The following DLG2 variants were observed in gnomAD, a reference collection of about 807,000 sequenced individuals.
The protein encoded by DLG2 is disks large homolog 2.
In DLG2, 45 loss-of-function variants were observed where a neutral mutation model predicts 132.5. That is an observed-to-expected ratio of 0.34 (90% CI 0.27 to 0.44). The LOEUF (loss-of-function observed/expected upper bound fraction) is 0.44. Ranked by LOEUF, DLG2 falls within the 20% of genes least tolerant of loss-of-function variation. The pLI is 1.00. For missense variants in DLG2, 1,045 were observed against 1,196.9 expected (o/e 0.87, Z 1.87); for synonymous variants, 424 against 419.6 (o/e 1.01, Z -0.13).
At chr11:85,540,112 G>T (rs1314343690) in intron 3 of DLG2, among the ~76,000 whole-genome samples, 1 of 152,198 alleles carries the variant, frequency 6.6e-6, no homozygotes, top group East Asian at 1.9e-4. Flanking sequence ...GCGGCAGGGG[G>T]GTGGTGCAGG....
intron 3 of DLG2, among the ~76,000 whole-genome samples, chr11:85,587,008 A>G (rs530221369): frequency 1.3e-5 from 2 of 152,204 alleles, no homozygotes; most frequent in African/African-American, 4.8e-5. Context: ...TATAGTTTTG[A>G]GGGTTCCTTT....
rs2096976839 is a variant in DLG2 at position 84,086,179 on chromosome 11, G to T, written c.749+12744C>A. Among the ~76,000 whole-genome samples, 5 of 152,040 alleles carry T rather than the reference G, an allele frequency of 3.3e-5. No individual in the cohort carries two copies. In the South Asian group the frequency reaches 1.0e-3, roughly 32 times the overall value. On this transcript the variant is annotated intron_variant, in intron 10 of 27. Transcript: ENST00000376104. ...CAAAGATCTTCTTTAACAGATTCAA[G>T]AACTTGGTGAATGAATTCAAAAACT... is the stretch of plus-strand genomic sequence containing the variant.
intron 3 of DLG2, among the ~76,000 whole-genome samples, chr11:85,436,944 TATATATCATGGA>T (rs1204729171): frequency 6.6e-6 from 1 of 152,192 alleles, no homozygotes; most frequent in Admixed American, 6.5e-5. Flanking sequence ...ATGTGGTACA[TATATATCATGGA>T]ATATTATGCA....
intron 11 of DLG2, among the ~76,000 whole-genome samples, chr11:84,032,541 C>T (rs888661316): frequency 6.6e-6 from 1 of 152,130 alleles, no homozygotes; most frequent in African/African-American, 2.4e-5. Context: ...GGGAAATAAG[C>T]CATCTCCTTA....
intron 8 of DLG2, among the ~76,000 whole-genome samples, chr11:84,230,875 G>T (rs949510919): frequency 6.6e-6 from 1 of 152,118 alleles, no homozygotes; most frequent in African/African-American, 2.4e-5. Flanking sequence ...TAGCAGTATT[G>T]GTTATAGTGG....
At chr11:83,638,269 C>A (rs1425072672) in intron 18 of DLG2, among the ~76,000 whole-genome samples, 2 of 152,116 alleles carry the variant, frequency 1.3e-5, no homozygotes, top group Admixed American at 6.5e-5. Context: ...TTCACTTGAA[C>A]AAGATGGATG....
Position 85,434,496 on chromosome 11 carries a change from C to A in DLG2, c.41-149131G>T, listed in dbSNP as rs371019544. Among the ~76,000 whole-genome samples, 14 of 151,948 alleles carry A rather than the reference C, an allele frequency of 9.2e-5. No individual in the cohort carries two copies. The East Asian group carries it at 2.7e-3, about 29-fold the overall frequency. ...ATAAAAAATGATAAATGGGATATCA[C>A]CACTGACCCCACAGAAATACAAACT... On this transcript the variant is annotated intron_variant, in intron 3 of 27. Coordinates refer to ENST00000376104, the MANE Select transcript of DLG2 (RefSeq NM_001142699.3).
At chr11:85,482,143 T>C (rs1426025000) in intron 3 of DLG2, among the ~76,000 whole-genome samples, 1 of 150,840 alleles carries the variant, frequency 6.6e-6, no homozygotes, top group Non-Finnish European at 1.5e-5. Context: ...GATGCCAAAG[T>C]CCCAAGCTTC....
At chr11:83,661,371 C>T (rs2074228309) in intron 18 of DLG2, among the ~76,000 whole-genome samples, 2 of 152,152 alleles carry the variant, frequency 1.3e-5, no homozygotes, top group Middle Eastern at 3.4e-3. Flanking sequence ...ATGTAAAAAG[C>T]ATCTACTATT....
chr11:83,930,574 T>G, intron 14 of DLG2, 91 bp from the exon 15 acceptor site: 1 of 1,284,914 alleles, frequency 7.8e-7, no homozygotes, highest in Non-Finnish European at 1.1e-6. Flanking sequence ...TGTGCAAAAG[T>G]AAAAACAATG....
chr11:84,859,364 GTA>G (rs1411300134), intron 6 of DLG2, among the ~76,000 whole-genome samples: 1 of 141,194 alleles, frequency 7.1e-6, no homozygotes, highest in Non-Finnish European at 1.5e-5. Flanking sequence ...AAACATATAT[GTA>G]TATATACACA....
At chr11:85,521,207 T>C (rs1364517738) in intron 3 of DLG2, among the ~76,000 whole-genome samples, 2 of 152,190 alleles carry the variant, frequency 1.3e-5, no homozygotes, top group African/African-American at 4.8e-5. Flanking sequence ...TAGGAGGTGA[T>C]TAAACCATTG....
At chr11:85,569,633 A>G (rs1009883909) in intron 3 of DLG2, among the ~76,000 whole-genome samples, 3 of 152,114 alleles carry the variant, frequency 2.0e-5, no homozygotes, top group Admixed American at 6.6e-5. Context: ...ATTATCATTA[A>G]TCCTCAGAGA....
In DLG2 at chr11:85,073,686, T is replaced by A. The variant is rs577099380; in HGVS notation, c.357+37975A>T. ...ATTAAGTCTTTCTGTCAAAGAATATTCTTTCTAAGGTTTCAAGAAGTAGGA... is the reference window on the plus strand; with the variant it reads ...ATTAAGTCTTTCTGTCAAAGAATATACTTTCTAAGGTTTCAAGAAGTAGGA... On this transcript the variant is annotated intron_variant, in intron 6 of 27. Coordinates refer to ENST00000376104, the MANE Select transcript of DLG2 (RefSeq NM_001142699.3). Among the ~76,000 whole-genome samples the A allele has an allele frequency of 7.4e-4, 113 of 151,990 alleles. 2 individuals carry two copies. Among genetic ancestry groups the A allele is most frequent in the African/African-American group, 2.7e-3 (112 of 41,540 alleles).
chr11:83,610,766 T>C (rs1254243500), intron 19 of DLG2, among the ~76,000 whole-genome samples: 1 of 152,190 alleles, frequency 6.6e-6, no homozygotes, highest in East Asian at 1.9e-4. Flanking sequence ...TTATAAATAG[T>C]ATCTGATTTT....
intron 6 of DLG2, among the ~76,000 whole-genome samples, chr11:85,061,136 A>C (rs1292206488): frequency 6.6e-6 from 1 of 151,584 alleles, no homozygotes; most frequent in Non-Finnish European, 1.5e-5. Flanking sequence ...AACTCTTTAC[A>C]AGTGATGTGA....
intron 7 of DLG2, among the ~76,000 whole-genome samples, chr11:84,477,946 C>T (rs2099126236): frequency 6.6e-6 from 1 of 152,058 alleles, no homozygotes; most frequent in South Asian, 2.1e-4. Context: ...GTATTCACTA[C>T]TTTAGTTCTC....
At chr11:85,282,013 G>T (rs1443117539) in intron 4 of DLG2, among the ~76,000 whole-genome samples, 2 of 151,582 alleles carry the variant, frequency 1.3e-5, no homozygotes, top group South Asian at 2.1e-4. Flanking sequence ...CACACAATGG[G>T]AATTTACTTG....
intron 15 of DLG2, among the ~76,000 whole-genome samples, chr11:83,912,437 C>T (rs537337846): frequency 6.6e-6 from 1 of 152,160 alleles, no homozygotes; most frequent in South Asian, 2.1e-4. Flanking sequence ...AAATGTTGTG[C>T]ATGAGTGTAC....
Sources: gnomAD v4.1 joint callset for allele counts (sites outside exome capture counted in the v4.1 genomes callset) on GRCh38, gnomAD v4.1.1 for gene constraint, MANE v1.5 for transcripts, NCBI Gene and HGNC (gene_info 2026-07-23, HGNC 2026-07-21) for gene names.